The following RGN variants were observed in gnomAD, a reference collection of about 807,000 sequenced individuals.
RGN encodes regucalcin.
Under a neutral mutation model 20.6 loss-of-function variants are expected in RGN, and 19 were observed. The observed-to-expected ratio is 0.92, with a 90% CI of 0.64 to 1.35. The LOEUF (loss-of-function observed/expected upper bound fraction) is 1.35, where lower values mean the gene tolerates loss of function less well. Ranked by LOEUF, RGN falls within the 40% of genes most tolerant of loss-of-function variation. The probability of loss-of-function intolerance (pLI) is 0.00; values close to 1 mark genes in which losing one functional copy is unlikely to be tolerated. For synonymous variants in RGN, 85 were observed against 87.2 expected (o/e 0.97, Z 0.14); for missense variants, 302 against 232.7 (o/e 1.30, Z -1.94).
chrX:47,078,909 G>C (rs1171119649), intron 1 of RGN, among the ~76,000 whole-genome samples, 200 bp downstream of exon 1: 1 of 107,057 alleles, frequency 9.3e-6, no homozygotes, highest in Admixed American at 1.0e-4. Flanking sequence ...ATCTAAGACT[G>C]ATAGGATGAA....
chrX:47,092,054 G>A lies in RGN; in HGVS notation c.695-7G>A. Reference sequence around the variant, plus strand: ...CTAAACTTAAAATAAAATATTTGGTGGTCTAGGGAAAAGACTTCAAACTGT... The same window carrying A: ...CTAAACTTAAAATAAAATATTTGGTAGTCTAGGGAAAAGACTTCAAACTGT... On this transcript the variant is annotated splice_region_variant and splice_polypyrimidine_tract_variant and intron_variant, in intron 6 of 7. Transcript: ENST00000397180. 1.7e-6 allele frequency: 2 copies of A among 1,199,311 alleles called. No individual in the cohort carries two copies. Among genetic ancestry groups the A allele is most frequent in the East Asian group, 5.9e-5 (2 of 33,776 alleles).
Position 47,085,381 on chromosome X carries a change from G to A in RGN, c.346+781G>A, listed in dbSNP as rs781911945. On this transcript the variant is annotated intron_variant, in intron 4 of 7. Transcript: ENST00000397180. ...TAAAAATACAAAAAATTAGCCGGGC[G>A]TGGTGGGCGCCTGTAGTCCCAGCTA... 8.2e-5 allele frequency among the ~76,000 whole-genome samples: 9 copies of A among 110,086 alleles called. No homozygotes were observed. The East Asian group carries it at 2.6e-3, about 32-fold the overall frequency.
rs370422947 is a variant in RGN, at chrX:47,081,365, T to TC, written c.163+59dup. On this transcript the variant is annotated intron_variant, in intron 3 of 7. Coordinates refer to ENST00000397180, the MANE Select transcript of RGN (RefSeq NM_152869.4). ...CTACCTTTTCCCAGGGGAGGGGCGGTCACCACGGCACCCTTCTTGTTAAAG... is the reference window on the plus strand; with the variant it reads ...CTACCTTTTCCCAGGGGAGGGGCGGTCCACCACGGCACCCTTCTTGTTAAAG... The TC allele has an allele frequency of 6.7e-5, 71 of 1,054,277 alleles. No individual in the cohort carries two copies. The African/African-American group carries it at 1.2e-3, about 17-fold the overall frequency. 86.9% of individuals were successfully genotyped at this position (1,054,277 alleles called of 1,213,427 possible). A position where few individuals can be genotyped will look rare whatever the true frequency, so the allele number is the denominator to read the frequency against.
intron 7 of RGN, among the ~76,000 whole-genome samples, chrX:47,092,446 T>C (rs1931057872): frequency 8.9e-6 from 1 of 112,333 alleles, no homozygotes; most frequent in Non-Finnish European, 1.9e-5. Context: ...TTTTACTTCC[T>C]GTTTATTGAA....
intron 3 of RGN, among the ~76,000 whole-genome samples, chrX:47,082,549 G>C (rs1930385247): frequency 9.0e-6 from 1 of 110,831 alleles, no homozygotes; most frequent in Non-Finnish European, 1.9e-5. Context: ...TTGGGCTCAA[G>C]CAATCCTCCT....
chrX:47,091,616 CA>C (rs1556387877), intron 5 of RGN, 61 bp from the exon 6 acceptor site: 1 of 1,141,775 alleles, frequency 8.8e-7, no homozygotes, highest in Non-Finnish European at 1.2e-6. Context: ...GTTTGATTCT[CA>C]GTATTTAGTG....
chrX:47,088,030 C>T (rs1930685102), intron 4 of RGN, among the ~76,000 whole-genome samples: 2 of 99,860 alleles, frequency 2.0e-5, no homozygotes, highest in South Asian at 8.6e-4. Flanking sequence ...AGATGCATAA[C>T]ACTAGTACAC....
At chrX:47,091,072 G>A (rs1216207682) in intron 5 of RGN, among the ~76,000 whole-genome samples, 1 of 110,860 alleles carries the variant, frequency 9.0e-6, no homozygotes, top group Non-Finnish European at 1.9e-5. Context: ...TCTAATGACT[G>A]TAGTGACCTG....
intron 3 of RGN, among the ~76,000 whole-genome samples, chrX:47,083,257 A>G (rs1035467610): frequency 9.2e-6 from 1 of 108,979 alleles, no homozygotes; most frequent in Admixed American, 1.0e-4. Context: ...AAAATTAGCC[A>G]GGCATGGTAG....
At chrX:47,081,363 G>A (rs1930297810) in intron 3 of RGN, 56 bp downstream of exon 3, 15 of 1,063,827 alleles carry the variant, frequency 1.4e-5, no homozygotes, top group South Asian at 4.0e-5. Flanking sequence ...GGGGAGGGGC[G>A]GTCACCACGG....
chrX:47,089,864 G>A lies in RGN; in HGVS notation c.435G>A (p.Lys145=). Residue 145 remains lysine, a synonymous_variant, in exon 5 of 8, where the codon AAG becomes AAA. Transcript: ENST00000397180. Reference sequence around the variant, plus strand: ...TCTTTCCTGATCACCACGTGAAAAAGTACTTTGACCAGGTGGACATTTCCA... The same window carrying A: ...TCTTTCCTGATCACCACGTGAAAAAATACTTTGACCAGGTGGACATTTCCA... ...YSLFPDHHVK[K]YFDQVDISNG... The A allele has an allele frequency of 1.7e-6, 2 of 1,209,196 alleles. No homozygotes were observed. Among genetic ancestry groups the A allele is most frequent in the Non-Finnish European group, 2.2e-6 (2 of 894,290 alleles).
In RGN at chrX:47,081,393, C is replaced by T. The variant is rs1410550380; in HGVS notation, c.163+86C>T. On this transcript the variant is annotated intron_variant, in intron 3 of 7. Transcript: ENST00000397180. ...CCACGGCACCCTTCTTGTTAAAGCA[C>T]ACTGACTACACTTGTCACGCTGTCT... is the stretch of plus-strand genomic sequence containing the variant. The T allele has an allele frequency of 2.3e-5, 19 of 819,566 alleles. No individual in the cohort carries two copies. The Admixed American group carries it at 4.5e-4, about 19-fold the overall frequency. 67.5% of individuals were successfully genotyped at this position (819,566 alleles called of 1,213,427 possible). A position where few individuals can be genotyped will look rare whatever the true frequency, so the allele number is the denominator to read the frequency against.
chrX:47,090,229 G>T (rs929767732), intron 5 of RGN, among the ~76,000 whole-genome samples: 5 of 110,499 alleles, frequency 4.5e-5, no homozygotes, highest in African/African-American at 1.6e-4. Context: ...ATAGATCTGG[G>T]GAAGCTAATA....
At chrX:47,087,803 TTATAA>T (rs1402316871) in intron 4 of RGN, among the ~76,000 whole-genome samples, 1 of 104,046 alleles carries the variant, frequency 9.6e-6, no homozygotes, top group African/African-American at 3.4e-5. Flanking sequence ...AATATTATAC[TTATAA>T]TAATATATAG....
chrX:47,087,944 A>G (rs1453917704), intron 4 of RGN, among the ~76,000 whole-genome samples: 1 of 100,363 alleles, frequency 1.0e-5, no homozygotes, highest in African/African-American at 3.6e-5. Context: ...ATAATATATA[A>G]TACAACTATA....
chrX:47,090,961 A>AAGGAAGGAAAGAAAGAAAGAAAGAAAG (rs1556387554), intron 5 of RGN, among the ~76,000 whole-genome samples: 2 of 63,565 alleles, frequency 3.1e-5, no homozygotes, highest in African/African-American at 1.3e-4. Flanking sequence ...AGAAAGAAAG[A>AAGGAAGGAAAGAAAGAAAGAAAGAAAG]AAGAAAGAAA....
At chrX:47,083,011 T>C (rs2147010488) in intron 3 of RGN, among the ~76,000 whole-genome samples, 1 of 111,342 alleles carries the variant, frequency 9.0e-6, no homozygotes, top group South Asian at 3.7e-4. Context: ...GCTTAGGAAA[T>C]GCTTTCAAAA....
In RGN at chrX:47,078,520, C is replaced by T. The variant is rs1449652153; in HGVS notation, c.-825C>T. On this transcript the variant is annotated 5_prime_UTR_variant, in exon 1 of 8. Transcript: ENST00000397180. ...GGAGATCGCGCCAGGAGACTGACTG[C>T]TCTGTGCCCACCCGGGGACCCGGGC... The T allele has an allele frequency of 8.8e-6, 1 of 113,222 alleles. No homozygotes were observed. Among genetic ancestry groups the T allele is most frequent in the African/African-American group, 3.2e-5 (1 of 31,226 alleles). 9.3% of individuals were successfully genotyped at this position (113,222 alleles called of 1,213,427 possible). A position where few individuals can be genotyped will look rare whatever the true frequency, so the allele number is the denominator to read the frequency against.
intron 3 of RGN, among the ~76,000 whole-genome samples, chrX:47,081,960 C>T (rs1336317389): frequency 2.7e-5 from 3 of 111,911 alleles, no homozygotes; most frequent in African/African-American, 9.7e-5. Flanking sequence ...CAGGCCAAGA[C>T]CTTAATTTTC....
Sources: gnomAD v4.1 joint callset for allele counts (sites outside exome capture counted in the v4.1 genomes callset) on GRCh38, gnomAD v4.1.1 for gene constraint, MANE v1.5 for transcripts, NCBI Gene and HGNC (gene_info 2026-07-23, HGNC 2026-07-21) for gene names.